Variants in COL13A1 observed in about 807,000 individuals in gnomAD.
COL13A1 encodes the protein collagen alpha-1(XIII) chain.
In COL13A1, 89 loss-of-function variants were observed where a neutral mutation model predicts 130.9. That is an observed-to-expected ratio of 0.68 (90% CI 0.57 to 0.81). The LOEUF (loss-of-function observed/expected upper bound fraction) is 0.81, where lower values mean the gene tolerates loss of function less well. Among genes scored for constraint, COL13A1 ranks in the 30% least tolerant of loss-of-function variants. COL13A1 has a pLI of 0.00. For missense variants in COL13A1, 879 were observed against 934.6 expected (o/e 0.94, Z 0.78); for synonymous variants, 402 against 341.6 (o/e 1.18, Z -1.95).
At chr10:69,843,395 C>T (rs1852135939) in intron 2 of COL13A1, among the ~76,000 whole-genome samples, 1 of 152,042 alleles carries the variant, frequency 6.6e-6, no homozygotes. Flanking sequence ...TTTTCAACCT[C>T]TAGGGTCTTT....
rs561966718 is a variant in COL13A1 at position 69,943,128 on chromosome 10, G to T, written c.1915-997G>T. Among the ~76,000 whole-genome samples the T allele has an allele frequency of 4.6e-5, 7 of 152,284 alleles. No individual in the cohort carries two copies. In the East Asian group the frequency reaches 7.7e-4, roughly 17 times the overall value. ...CTCCCAAAGTGCTGGGATTACAGCC[G>T]TGAGCCACTGCGCCCAGCCTCCTTT... On this transcript the variant is annotated intron_variant, in intron 35 of 40. Transcript: ENST00000645393.
At chr10:69,927,217 G>A in intron 27 of COL13A1, 107 bp downstream of exon 27, 1 of 1,542,972 alleles carries the variant, frequency 6.5e-7, no homozygotes, top group Non-Finnish European at 8.9e-7. Flanking sequence ...CAGGTACTGG[G>A]CTGCAGATTA....
In COL13A1 at chr10:69,922,792, A is replaced by G; in HGVS notation, c.1228A>G (p.Lys410Glu). Residue 410 changes from lysine to glutamate, a missense_variant and splice_region_variant, in exon 23 of 41, where the codon AAG (lysine) becomes GAG (glutamate). Around this residue, in one of 3 missense-constraint regions of COL13A1, gnomAD observed 715 missense variants for 721.0 expected, o/e 0.99. Coordinates refer to ENST00000645393, the MANE Select transcript of COL13A1 (RefSeq NM_001368882.1). ...AGGGCTCCCTGGGCCCCCAGGGCCAAAGGTGAGTGTTCCCTGGAATTGGTG... is the reference window on the plus strand; with the variant it reads ...AGGGCTCCCTGGGCCCCCAGGGCCAGAGGTGAGTGTTCCCTGGAATTGGTG... Reference protein sequence around the residue: ...PPGLPGPPGPKGEAGVDGQVG... With the variant: ...PPGLPGPPGPEGEAGVDGQVG... 1 of 1,578,924 alleles carries G rather than the reference A, an allele frequency of 6.3e-7. No homozygotes were observed. The highest frequency in any genetic ancestry group is 8.6e-7 in the Non-Finnish European group (1 of 1,162,040).
At chr10:69,855,327 A>G (rs568644916) in intron 2 of COL13A1, among the ~76,000 whole-genome samples, 2 of 152,234 alleles carry the variant, frequency 1.3e-5, no homozygotes, top group South Asian at 4.2e-4. Flanking sequence ...TTCCTGGCCC[A>G]CAGTTACACA....
chr10:69,829,404 G>A (rs753533718), intron 2 of COL13A1: 85 of 383,092 alleles, frequency 2.2e-4, no homozygotes, highest in Non-Finnish European at 2.8e-4. Flanking sequence ...GACCCCCCTC[G>A]CCATGATCCC....
At chr10:69,952,343 A>G (rs2069715143) in intron 38 of COL13A1, among the ~76,000 whole-genome samples, 1 of 152,130 alleles carries the variant, frequency 6.6e-6, no homozygotes, top group African/African-American at 2.4e-5. Context: ...ACATACCTGT[A>G]TACTCATACA....
intron 21 of COL13A1, among the ~76,000 whole-genome samples, 182 bp downstream of exon 21, chr10:69,919,909 C>T (rs971494466): frequency 1.3e-5 from 2 of 152,178 alleles, no homozygotes; most frequent in African/African-American, 4.8e-5. Context: ...AAGAGCACAC[C>T]CACTCTCCTG....
intron 17 of COL13A1, among the ~76,000 whole-genome samples, chr10:69,915,445 T>G (rs1294124818): frequency 6.6e-6 from 1 of 152,182 alleles, no homozygotes; most frequent in Non-Finnish European, 1.5e-5. Context: ...AACTAAAGAT[T>G]CTAGGCCTTC....
intron 2 of COL13A1, among the ~76,000 whole-genome samples, chr10:69,842,324 A>G (rs1564819765): frequency 6.6e-6 from 1 of 152,112 alleles, no homozygotes; most frequent in Non-Finnish European, 1.5e-5. Context: ...ACCATTTAGA[A>G]CCTTGTTAAA....
At chr10:69,865,420 A>C (rs573421892) in intron 2 of COL13A1, among the ~76,000 whole-genome samples, 1 of 152,232 alleles carries the variant, frequency 6.6e-6, no homozygotes, top group Admixed American at 6.5e-5. Context: ...GGCTGTCCCA[A>C]TGCAGGCCTG....
intron 2 of COL13A1, among the ~76,000 whole-genome samples, chr10:69,830,047 G>T (rs781486850): frequency 1.3e-5 from 2 of 152,194 alleles, no homozygotes; most frequent in Non-Finnish European, 2.9e-5. Flanking sequence ...GTTCCGGAAA[G>T]GCCAGAAGAG....
chr10:69,918,783 A>T (rs943755654), intron 19 of COL13A1, among the ~76,000 whole-genome samples: 10 of 152,152 alleles, frequency 6.6e-5, no homozygotes, highest in Non-Finnish European at 2.9e-5. Context: ...TCCAAACCAA[A>T]TGTCCATTCC....
At chr10:69,894,462 G>C in intron 10 of COL13A1, 90 bp from the exon 11 acceptor site, 1 of 1,506,118 alleles carries the variant, frequency 6.6e-7, no homozygotes, top group South Asian at 1.2e-5. Flanking sequence ...CCCAGCCTTC[G>C]GGATTCAGCC....
At chr10:69,818,174 G>T (rs1387613138) in intron 1 of COL13A1, among the ~76,000 whole-genome samples, 1 of 152,118 alleles carries the variant, frequency 6.6e-6, no homozygotes, top group Non-Finnish European at 1.5e-5. Flanking sequence ...ATGTCCTAGG[G>T]GTGGCATCTT....
chr10:69,842,352 A>G (rs1851836627), intron 2 of COL13A1, among the ~76,000 whole-genome samples: 1 of 152,176 alleles, frequency 6.6e-6, no homozygotes, highest in African/African-American at 2.4e-5. Context: ...TTCTTTATAA[A>G]TTATTCAGTC....
intron 2 of COL13A1, among the ~76,000 whole-genome samples, chr10:69,852,659 C>T (rs2683564): frequency 0.51 from 76,890 of 152,174 alleles, 20,377 homozygotes; most frequent in Non-Finnish European, 0.59. Flanking sequence ...ACGAGCCTTG[C>T]AGCCCCACGG....
At chr10:69,806,622 G>A (rs890249133) in intron 1 of COL13A1, among the ~76,000 whole-genome samples, 3 of 152,234 alleles carry the variant, frequency 2.0e-5, no homozygotes, top group Non-Finnish European at 4.4e-5. Context: ...TGTGAAGAAA[G>A]AAGCTGGAAT....
At chr10:69,858,663 G>A (rs551395326) in intron 2 of COL13A1, among the ~76,000 whole-genome samples, 92 of 152,346 alleles carry the variant, frequency 6.0e-4, no homozygotes, top group African/African-American at 2.0e-3. Flanking sequence ...TCAGGCAAGA[G>A]ACGAGCATGG....
chr10:69,828,768 G>T (rs562097158), intron 2 of COL13A1, among the ~76,000 whole-genome samples: 1 of 152,178 alleles, frequency 6.6e-6, no homozygotes, highest in Non-Finnish European at 1.5e-5. Context: ...GTGTATGCTC[G>T]ATGTACAATC....
Sources: gnomAD v4.1 joint callset for allele counts (sites outside exome capture counted in the v4.1 genomes callset) on GRCh38, gnomAD v4.1.1 for gene constraint, gnomAD v4.1.1 regional missense constraint, MANE v1.5 for transcripts, NCBI Gene and HGNC (gene_info 2026-07-23, HGNC 2026-07-21) for gene names.